YAP1: variants seen among roughly 807,000 people sequenced by gnomAD.
YAP1 encodes the protein Yes1 associated transcriptional regulator.
A neutral mutation model predicts 56.9 loss-of-function variants in YAP1; 5 were observed. The observed-to-expected ratio is 0.09, with a 90% CI of 0.05 to 0.18. The LOEUF is 0.18. Ranked by LOEUF, YAP1 falls within the 10% of genes least tolerant of loss-of-function variation. The pLI, the probability that YAP1 is intolerant of heterozygous loss-of-function variation, is 1.00. For synonymous variants in YAP1, 265 were observed against 248.1 expected (o/e 1.07, Z -0.64); for missense variants, 539 against 651.8 (o/e 0.83, Z 1.88).
chr11:102,225,434 G>A lies in YAP1; in HGVS notation c.1163+1682G>A, dbSNP rs373331467. Among the ~76,000 whole-genome samples the A allele has an allele frequency of 1.2e-4, 19 of 152,302 alleles. No individual in the cohort carries two copies. In the South Asian group the frequency reaches 3.3e-3, roughly 27 times the overall value. On this transcript the variant is annotated intron_variant, in intron 7 of 8. Transcript: ENST00000282441. ...CGGGAGGCAGAGGTTGCGGTGAGCC[G>A]AGATCATGCCGTTGCACTCCAGCCT... is the stretch of plus-strand genomic sequence containing the variant.
chr11:102,180,752 G>A (rs1306222116), intron 3 of YAP1, among the ~76,000 whole-genome samples: 1 of 148,642 alleles, frequency 6.7e-6, no homozygotes, highest in Non-Finnish European at 1.5e-5. Context: ...CTATGACATA[G>A]ATATAAAGAA....
intron 3 of YAP1, among the ~76,000 whole-genome samples, chr11:102,174,627 C>T (rs188820155): frequency 6.6e-6 from 1 of 152,026 alleles, no homozygotes; most frequent in African/African-American, 2.4e-5. Context: ...AAACAAGTCT[C>T]TGAGAGATTG....
chr11:102,165,633 G>A (rs1334432140), intron 3 of YAP1, among the ~76,000 whole-genome samples: 1 of 152,024 alleles, frequency 6.6e-6, no homozygotes. Flanking sequence ...CATGTTTACA[G>A]CGTGCTAGAA....
At chr11:102,141,070 C>T (rs1470182916) in intron 2 of YAP1, among the ~76,000 whole-genome samples, 1 of 152,090 alleles carries the variant, frequency 6.6e-6, no homozygotes, top group African/African-American at 2.4e-5. Context: ...TTTTCCGGAA[C>T]GATTTAAATG....
At chr11:102,111,286 T>G in intron 1 of YAP1, 117 bp downstream of exon 1, 3 of 1,257,604 alleles carry the variant, frequency 2.4e-6, no homozygotes, top group Non-Finnish European at 2.2e-6. Context: ...GAACTCTAGC[T>G]GGGGTGGGGG....
chr11:102,163,233 G>A (rs1371908440), intron 3 of YAP1, among the ~76,000 whole-genome samples: 1 of 152,008 alleles, frequency 6.6e-6, no homozygotes, highest in African/African-American at 2.4e-5. Flanking sequence ...TCTACATAAT[G>A]GGGAGTAACA....
rs1227121482 is a variant in YAP1 at position 102,198,778 on chromosome 11, CA to C, written c.803-7114del. ...TTAACTCATGCTATCAAACCTGGCA[CA>C]GCACACTGTATAAAATGTTTCTGTG... On this transcript the variant is annotated intron_variant, in intron 4 of 8. Transcript: ENST00000282441. Among the ~76,000 whole-genome samples the C allele has an allele frequency of 3.9e-5, 6 of 152,228 alleles. No individual in the cohort carries two copies. In the East Asian group the frequency reaches 1.2e-3, roughly 29 times the overall value.
chr11:102,172,811 C>T (rs981771208), intron 3 of YAP1, among the ~76,000 whole-genome samples: 3 of 152,206 alleles, frequency 2.0e-5, no homozygotes, highest in Non-Finnish European at 2.9e-5. Flanking sequence ...CTGTAATTGA[C>T]GTCTTTTGAG....
chr11:102,135,263 T>C (rs1298501187), intron 2 of YAP1, among the ~76,000 whole-genome samples: 3 of 152,240 alleles, frequency 2.0e-5, no homozygotes, highest in African/African-American at 7.2e-5. Context: ...AGTTACCTAC[T>C]ACTGCATAAC....
intron 3 of YAP1, among the ~76,000 whole-genome samples, chr11:102,166,774 G>A (rs1347075291): frequency 2.0e-5 from 3 of 152,182 alleles, no homozygotes; most frequent in East Asian, 1.9e-4. Flanking sequence ...GGACTTCCTC[G>A]CTTTGCTTTT....
chr11:102,193,089 C>T (rs1948381795), intron 4 of YAP1, among the ~76,000 whole-genome samples: 1 of 152,060 alleles, frequency 6.6e-6, no homozygotes, highest in Admixed American at 6.6e-5. Context: ...TTTAAAACTC[C>T]CATAAAGTTG....
intron 2 of YAP1, among the ~76,000 whole-genome samples, chr11:102,128,201 A>G (rs1225618126): frequency 6.6e-6 from 1 of 152,164 alleles, no homozygotes; most frequent in East Asian, 1.9e-4. Context: ...GGAGGGGCCA[A>G]CGGCAGCATG....
intron 2 of YAP1, among the ~76,000 whole-genome samples, chr11:102,131,770 C>T (rs527447798): frequency 6.6e-6 from 1 of 152,182 alleles, no homozygotes; most frequent in Non-Finnish European, 1.5e-5. Flanking sequence ...TAAGCTTTAA[C>T]AGGAACTATT....
At chr11:102,180,780 G>C (rs1167053758) in intron 3 of YAP1, among the ~76,000 whole-genome samples, 1 of 151,088 alleles carries the variant, frequency 6.6e-6, no homozygotes, top group Non-Finnish European at 1.5e-5. Context: ...TACTAGCACA[G>C]AGAAAGAACT....
At chr11:102,178,685 T>G (rs1212165729) in intron 3 of YAP1, among the ~76,000 whole-genome samples, 2 of 152,204 alleles carry the variant, frequency 1.3e-5, no homozygotes, top group Non-Finnish European at 2.9e-5. Flanking sequence ...ATGCATTATT[T>G]TATATATTGC....
At chr11:102,141,189 A>G (rs542743786) in intron 2 of YAP1, among the ~76,000 whole-genome samples, 2 of 152,174 alleles carry the variant, frequency 1.3e-5, no homozygotes, top group South Asian at 2.1e-4. Context: ...GCCTTTCACA[A>G]CTACACTGCA....
At chr11:102,116,116 C>T (rs372885687) in intron 2 of YAP1, among the ~76,000 whole-genome samples, 9 of 152,040 alleles carry the variant, frequency 5.9e-5, no homozygotes, top group Admixed American at 1.3e-4. Context: ...GTTGGCCTTC[C>T]GTATCTGTGG....
At chr11:102,220,781 A>C (rs1291721499) in intron 6 of YAP1, among the ~76,000 whole-genome samples, 1 of 152,198 alleles carries the variant, frequency 6.6e-6, no homozygotes, top group Admixed American at 6.5e-5. Flanking sequence ...TTTCTAAGCC[A>C]GTTCTTGGGT....
chr11:102,141,189 A>T (rs542743786), intron 2 of YAP1, among the ~76,000 whole-genome samples: 31 of 152,292 alleles, frequency 2.0e-4, no homozygotes, highest in African/African-American at 6.7e-4. Flanking sequence ...GCCTTTCACA[A>T]CTACACTGCA....
Sources: gnomAD v4.1 joint callset for allele counts (sites outside exome capture counted in the v4.1 genomes callset) on GRCh38, gnomAD v4.1.1 for gene constraint, MANE v1.5 for transcripts, NCBI Gene and HGNC (gene_info 2026-07-23, HGNC 2026-07-21) for gene names.